PCDH11Y: variants seen among roughly 807,000 people sequenced by gnomAD.
PCDH11Y encodes protocadherin-11 Y-linked.
For synonymous variants in PCDH11Y, 9 were observed against 83.6 expected (o/e 0.11, Z 4.87); for missense variants, 12 against 224.8 (o/e 0.05, Z 6.05).
intron 2 of PCDH11Y, among the ~76,000 whole-genome samples, chrY:5,377,824 C>T: frequency 3.0e-5 from 1 of 32,931 alleles, no homozygotes. Context: ...GATCTCGGCT[C>T]AGTGCAACCT....
intron 2 of PCDH11Y, among the ~76,000 whole-genome samples, chrY:5,319,121 G>A (rs2124665572): frequency 6.1e-5 from 2 of 32,829 alleles, no homozygotes; most frequent in Admixed American, 2.8e-4. Context: ...AAATCAGGGT[G>A]TAGAAAAATA....
intron 4 of PCDH11Y, among the ~76,000 whole-genome samples, chrY:5,718,276 G>C (rs779415210): frequency 0.11 from 3,613 of 32,824 alleles, no homozygotes; most frequent in Non-Finnish European, 0.18. Flanking sequence ...AAGGATAAAT[G>C]CTTGAGGGGA....
At chrY:5,408,340 G>C in intron 2 of PCDH11Y, among the ~76,000 whole-genome samples, 2 of 33,912 alleles carry the variant, frequency 5.9e-5, no homozygotes, top group Non-Finnish European at 1.5e-4. Context: ...TGGGTGTAGA[G>C]AAAGACTACC....
intron 3 of PCDH11Y, among the ~76,000 whole-genome samples, chrY:5,042,591 G>A: frequency 1.8e-4 from 4 of 22,354 alleles, no homozygotes; most frequent in East Asian, 1.2e-3. Context: ...TTGGCGATGC[G>A]GGCTCTTTTT....
At chrY:5,425,784 A>T in intron 2 of PCDH11Y, among the ~76,000 whole-genome samples, 1 of 33,746 alleles carries the variant, frequency 3.0e-5, no homozygotes, top group Non-Finnish European at 7.4e-5. Flanking sequence ...AGTCAAATAT[A>T]TCAGATTGAT....
chrY:5,358,389 C>G (rs2053170449), intron 2 of PCDH11Y, among the ~76,000 whole-genome samples: 1 of 33,790 alleles, frequency 3.0e-5, no homozygotes, highest in Non-Finnish European at 7.3e-5. Flanking sequence ...TGAGACAGGT[C>G]TCAATCAACT....
At chrY:5,555,353 A>G in intron 3 of PCDH11Y, among the ~76,000 whole-genome samples, 1 of 31,800 alleles carries the variant, frequency 3.1e-5, no homozygotes, top group African/African-American at 1.2e-4. Flanking sequence ...ATGGATGAGA[A>G]TTTGGACTGT....
chrY:5,367,671 C>T, intron 2 of PCDH11Y, among the ~76,000 whole-genome samples: 1 of 27,194 alleles, frequency 3.7e-5, no homozygotes, highest in Non-Finnish European at 8.6e-5. Flanking sequence ...CAGGCGTGAG[C>T]CACCGCGCCC....
chrY:5,682,239 GTTTT>G (rs1201360365), intron 4 of PCDH11Y, among the ~76,000 whole-genome samples: 1 of 2,423 alleles, frequency 4.1e-4, no homozygotes, highest in African/African-American at 1.5e-3. Context: ...TTGGTACCGT[GTTTT>G]TTTTTTTTTT....
At chrY:5,076,215 G>A in intron 1 of PCDH11Y, among the ~76,000 whole-genome samples, 1 of 33,141 alleles carries the variant, frequency 3.0e-5, no homozygotes, top group Admixed American at 2.7e-4. Context: ...ATCTTATTTC[G>A]AGAAATGCCT....
chrY:5,061,185 A>C, intron 1 of PCDH11Y, among the ~76,000 whole-genome samples: 1 of 32,816 alleles, frequency 3.0e-5, no homozygotes, highest in Non-Finnish European at 7.5e-5. Context: ...TAAAGAAAAA[A>C]AATCATCTAT....
intron 2 of PCDH11Y, among the ~76,000 whole-genome samples, chrY:5,116,702 C>G: frequency 3.0e-5 from 1 of 32,937 alleles, no homozygotes; most frequent in Non-Finnish European, 7.5e-5. Flanking sequence ...TTCTTAGAAA[C>G]AATTATATCT....
At chrY:5,741,616 G>A in exon 5 of PCDH11Y, 1 of 32,369 alleles carries the variant, frequency 3.1e-5, no homozygotes, top group Non-Finnish European at 7.6e-5. Context: ...TATTTTGAAT[G>A]TTTCCAACTG....
In PCDH11Y at chrY:5,447,730, A is replaced by T. The variant is rs79903849; in HGVS notation, c.3130-53327A>T. 5.7e-4 allele frequency among the ~76,000 whole-genome samples: 19 copies of T among 33,565 alleles called. No homozygotes were observed. In the East Asian group the frequency reaches 0.013, roughly 23 times the overall value. The allele number at this position is 33,565 out of a possible 37,273, so 90.1% of individuals were successfully genotyped here. A position where few individuals can be genotyped will look rare whatever the true frequency, so the allele number is the denominator to read the frequency against. On this transcript the variant is annotated intron_variant, in intron 2 of 4. Coordinates refer to the PCDH11Y transcript ENST00000400457. ...AGAACTCACTTTGAGAACTTTCCTG[A>T]GGGAAGGTGGTCATAGAGCAGGTTT...
At chrY:5,435,366 T>C (rs2053273555) in intron 2 of PCDH11Y, among the ~76,000 whole-genome samples, 1 of 24,740 alleles carries the variant, frequency 4.0e-5, no homozygotes, top group Non-Finnish European at 9.2e-5. Flanking sequence ...CAGGCTGGAG[T>C]GCAGTGGCGC....
At chrY:5,372,723 C>T (rs4831068) in intron 2 of PCDH11Y, among the ~76,000 whole-genome samples, 4 of 30,854 alleles carry the variant, frequency 1.3e-4, no homozygotes, top group East Asian at 1.7e-3. Context: ...TTCCTTCCTT[C>T]CTTTCTTTCT....
chrY:5,721,268 G>C (rs2053594404), intron 4 of PCDH11Y, among the ~76,000 whole-genome samples: 1 of 32,964 alleles, frequency 3.0e-5, no homozygotes, highest in Non-Finnish European at 7.5e-5. Flanking sequence ...GGAAGTTCAA[G>C]CTAAGGGAGT....
At chrY:5,001,340 A>G in intron 1 of PCDH11Y, among the ~76,000 whole-genome samples, 5 of 34,377 alleles carry the variant, frequency 1.5e-4, no homozygotes, top group Admixed American at 2.6e-4. Flanking sequence ...AATCTAGCCG[A>G]AAAACGGCAT....
At chrY:5,108,547 A>G (rs1602868900), downstream of PCDH11Y, among the ~76,000 whole-genome samples, 48 of 30,984 alleles carry the variant, frequency 1.5e-3, no homozygotes, top group African/African-American at 4.7e-3. Flanking sequence ...GGAGATCGAG[A>G]CCATCCTGGC....
Sources: allele counts gnomAD v4.1 joint callset (sites outside exome capture counted in the v4.1 genomes callset), GRCh38; gene constraint gnomAD v4.1.1; transcripts MANE v1.5; gene names NCBI Gene and HGNC (gene_info 2026-07-23, HGNC 2026-07-21).